Variants in KIF1B observed in about 807,000 individuals in gnomAD.
KIF1B encodes the protein kinesin family member 1B, also known as kinesin-like protein KIF1B.
Under a neutral mutation model 241.9 loss-of-function variants are expected in KIF1B, and 76 were observed. That is an observed-to-expected ratio of 0.31 (90% confidence interval 0.26 to 0.38). The LOEUF (loss-of-function observed/expected upper bound fraction) is 0.38, where lower values mean the gene tolerates loss of function less well. Among genes scored for constraint, KIF1B ranks in the 10% least tolerant of loss-of-function variants. The probability of loss-of-function intolerance (pLI) is 1.00; values close to 1 mark genes in which losing one functional copy is unlikely to be tolerated. For missense variants in KIF1B, 1,622 were observed against 2,271.4 expected (o/e 0.71, Z 5.81); for synonymous variants, 750 against 796.7 (o/e 0.94, Z 0.99).
intron 22 of KIF1B, chr1:10,299,110 C>G (rs1370031304): frequency 6.9e-6 from 1 of 145,304 alleles, no homozygotes; most frequent in South Asian, 2.2e-4. Flanking sequence ...AAAAACAAAA[C>G]AAAACAAGAC....
intron 44 of KIF1B, among the ~76,000 whole-genome samples, chr1:10,369,285 A>G (rs1369713661): frequency 6.6e-6 from 1 of 152,196 alleles, no homozygotes; most frequent in Non-Finnish European, 1.5e-5. Flanking sequence ...CTGCCATATT[A>G]TTAGAACAAT....
intron 44 of KIF1B, 38 bp from the exon 45 acceptor site, chr1:10,371,103 C>G: frequency 6.2e-7 from 1 of 1,613,932 alleles, no homozygotes; most frequent in Non-Finnish European, 8.5e-7. Context: ...CAGCTTTTTT[C>G]AGCTGAATGT....
At chr1:10,340,016 G>A (rs527263262) in intron 32 of KIF1B, among the ~76,000 whole-genome samples, 157 bp downstream of exon 32, 28 of 152,276 alleles carry the variant, frequency 1.8e-4, no homozygotes, top group Non-Finnish European at 2.9e-4. Flanking sequence ...CATCCACAGC[G>A]GCCTGAGCAG....
At chr1:10,248,788 G>A (rs144055657) in intron 2 of KIF1B, among the ~76,000 whole-genome samples, 1 of 152,252 alleles carries the variant, frequency 6.6e-6, no homozygotes, top group Admixed American at 6.5e-5. Context: ...GAACTGATAG[G>A]ATACATCAGA....
At chr1:10,340,332 A>G (rs566895779) in intron 32 of KIF1B, among the ~76,000 whole-genome samples, 5 of 152,332 alleles carry the variant, frequency 3.3e-5, no homozygotes, top group African/African-American at 1.2e-4. Context: ...CTGTATTCCT[A>G]CGTGGAGTAA....
intron 22 of KIF1B, among the ~76,000 whole-genome samples, chr1:10,314,039 T>C (rs1651195943): frequency 6.6e-6 from 1 of 151,274 alleles, no homozygotes; most frequent in African/African-American, 2.5e-5. Context: ...GATTACGGCA[T>C]GTGCCACCAT....
intron 38 of KIF1B, among the ~76,000 whole-genome samples, chr1:10,355,927 T>G (rs1638228842): frequency 6.6e-6 from 1 of 152,216 alleles, no homozygotes; most frequent in African/African-American, 2.4e-5. Flanking sequence ...TCAGGGCTGC[T>G]TGTTTTATCT....
intron 38 of KIF1B, among the ~76,000 whole-genome samples, chr1:10,355,665 G>A (rs929837286): frequency 6.6e-6 from 1 of 152,140 alleles, no homozygotes; most frequent in Admixed American, 6.5e-5. Context: ...TTACAAAGTA[G>A]AATGTTTCTC....
chr1:10,352,750 A>AGCAGTGTGAAGAAGT lies in KIF1B; in HGVS notation c.4055+15_4055+29dup. The AGCAGTGTGAAGAAGT allele has an allele frequency of 1.3e-6, 2 of 1,590,750 alleles. No homozygotes were observed. The highest frequency in any genetic ancestry group is 1.7e-6 in the Non-Finnish European group (2 of 1,159,024). ...CAACTCTAGCAGGTGGGACACCCAG[A>AGCAGTGTGAAGAAGT]GCAGTGTGAAGAAGTCCACACTTGC... On this transcript the variant is annotated intron_variant, in intron 38 of 48. Transcript: ENST00000676179.
chr1:10,267,495 C>G lies in KIF1B; in HGVS notation c.545C>G (p.Ser182Cys), dbSNP rs1368455996. ...PLLGPYVEDL[S>C]KLAVTSYTDI... ...CTTGGACCCTATGTGGAGGATCTGT[C>G]CAAGTTGGCAGTTACTTCCTACACA... is the stretch of plus-strand genomic sequence containing the variant. Residue 182 changes from serine (S) to cysteine (C), a missense_variant, in exon 6 of 49, where the codon TCC (serine) becomes TGC (cysteine). By Grantham distance (112) the Ser-to-Cys change is moderately radical. Transcript: ENST00000676179. 6.2e-7 allele frequency: 1 copy of G among 1,614,026 alleles called. No homozygotes were observed. The highest frequency in any genetic ancestry group is 1.3e-5 in the African/African-American group (1 of 74,904).
intron 37 of KIF1B, among the ~76,000 whole-genome samples, chr1:10,350,835 G>A (rs1380089605): frequency 2.0e-5 from 3 of 152,220 alleles, no homozygotes; most frequent in East Asian, 1.9e-4. Context: ...AGTGGCTCAC[G>A]CCTGTAATCC....
intron 25 of KIF1B, among the ~76,000 whole-genome samples, chr1:10,324,414 C>T (rs1450656791): frequency 1.3e-5 from 2 of 152,182 alleles, no homozygotes; most frequent in African/African-American, 2.4e-5. Flanking sequence ...AAGTTATAAT[C>T]TGGCTTCTTT....
Position 10,287,670 on chromosome 1 carries a change from T to G in KIF1B, c.1435-3412T>G, listed in dbSNP as rs191604307. 7.2e-5 allele frequency among the ~76,000 whole-genome samples: 11 copies of G among 152,342 alleles called. No homozygotes were observed. In the East Asian group the frequency reaches 1.9e-3, roughly 27 times the overall value. ...AAGAGATCATGTTCTGATTTACCCT[T>G]CAGTTGGTAAGTAAAATTAGATAAG... On this transcript the variant is annotated intron_variant, in intron 15 of 48. Transcript: ENST00000676179.
At chr1:10,214,346 T>C (rs1169364267) in intron 1 of KIF1B, among the ~76,000 whole-genome samples, 1 of 151,350 alleles carries the variant, frequency 6.6e-6, no homozygotes, top group Non-Finnish European at 1.5e-5. Flanking sequence ...CTGGAGTGCA[T>C]TGGTGTGATC....
At chr1:10,292,285 G>C (rs1650037832) in intron 17 of KIF1B, 163 bp downstream of exon 17, 6 of 642,312 alleles carry the variant, frequency 9.3e-6, no homozygotes, top group Non-Finnish European at 1.1e-5. Context: ...TGGTCTTATA[G>C]TACAAAGGCA....
At chr1:10,323,774 T>TA in intron 24 of KIF1B, 110 bp from the exon 25 acceptor site, 1 of 850,904 alleles carries the variant, frequency 1.2e-6, no homozygotes, top group Non-Finnish European at 1.9e-6. Flanking sequence ...AGTCACAAGA[T>TA]ATTTGTTGAG....
chr1:10,308,795 A>G (rs1188258964), intron 22 of KIF1B, among the ~76,000 whole-genome samples: 1 of 152,254 alleles, frequency 6.6e-6, no homozygotes, highest in Non-Finnish European at 1.5e-5. Context: ...ACAAAATTCT[A>G]TCTTAAGTGA....
In KIF1B at chr1:10,303,899, C is replaced by G; in HGVS notation, c.2115+6653C>G. 1 of 1,614,140 alleles carries G rather than the reference C, an allele frequency of 6.2e-7. No individual in the cohort carries two copies. The highest frequency in any genetic ancestry group is 8.5e-7 in the Non-Finnish European group (1 of 1,180,024). On this transcript the variant is annotated intron_variant, in intron 22 of 48. Coordinates refer to ENST00000676179, the MANE Select transcript of KIF1B (RefSeq NM_001365951.3). The surrounding 1 kb of genome is among the most constrained non-coding windows in gnomAD (Gnocchi z 5.2). ...GAACTTGCAAAAGAAGAACGTGTTT[C>G]CCAGCTGATGAATGGGGATCCAGCT...
chr1:10,379,296 G>C lies in KIF1B; in HGVS notation c.*2709G>C, dbSNP rs991298548. The C allele has an allele frequency of 4.3e-6, 1 of 231,090 alleles. No individual in the cohort carries two copies. The allele number at this position is 231,090 out of a possible 1,614,324, so 14.3% of individuals were successfully genotyped here. A position where few individuals can be genotyped will look rare whatever the true frequency, so the allele number is the denominator to read the frequency against. On this transcript the variant is annotated 3_prime_UTR_variant, in exon 49 of 49. Coordinates refer to ENST00000676179, the MANE Select transcript of KIF1B (RefSeq NM_001365951.3). ...TTTGCTTTGGAAGCGTCAGACATTA[G>C]AACAGGCCAAACTGGACTGTCTGTT...
Sources: allele counts gnomAD v4.1 joint callset (sites outside exome capture counted in the v4.1 genomes callset), GRCh38; gene constraint gnomAD v4.1.1; non-coding constraint Gnocchi (gnomAD v3.1); transcripts MANE v1.5; gene names NCBI Gene and HGNC (gene_info 2026-07-23, HGNC 2026-07-21).